Variants in TUT1 observed in about 807,000 individuals in gnomAD.
TUT1 encodes the protein speckle targeted PIP5K1A-regulated poly(A) polymerase.
TUT1 carries 26 observed loss-of-function variants against 48.8 expected under a neutral mutation model. The observed-to-expected ratio is 0.53, with a 90% CI of 0.39 to 0.74. The LOEUF is 0.74. Among genes scored for constraint, TUT1 ranks in the 30% least tolerant of loss-of-function variants. The pLI, the probability that TUT1 is intolerant of heterozygous loss-of-function variation, is 0.00. For synonymous variants in TUT1, 470 were observed against 460.8 expected (o/e 1.02, Z -0.26); for missense variants, 1,065 against 1,114.8 (o/e 0.96, Z 0.64).
At position 62,576,917 on chromosome 11, in the gene TUT1, G is replaced by T. The variant is rs368105075; in HGVS notation, c.1371C>A (p.Thr457=). 356 of 1,613,902 alleles carry T rather than the reference G, an allele frequency of 2.2e-4. No individual in the cohort carries two copies. Among genetic ancestry groups the T allele is most frequent in the Non-Finnish European group, 2.9e-4 (339 of 1,179,956 alleles). ...GGCTAGGCCGAGTACCTGCTTTCTG[G>T]GTGAGCTGGGACACAGTGGGCAACA... ...PPVLPTVSQL[T]QKAGEGEQVE... Residue 457 remains threonine, a synonymous_variant, in exon 7 of 9, where the codon ACC becomes ACA. Transcript: ENST00000476907.
At chr11:62,577,357 C>T (rs909921980) in intron 5 of TUT1, 66 bp from the exon 6 acceptor site, 1 of 1,285,930 alleles carries the variant, frequency 7.8e-7, no homozygotes, top group African/African-American at 1.5e-5. Context: ...CCCCAGCTTT[C>T]ATTCCAGACT....
intron 2 of TUT1, among the ~76,000 whole-genome samples, chr11:62,581,941 T>C (rs1312815346): frequency 6.6e-6 from 1 of 151,380 alleles, no homozygotes; most frequent in Non-Finnish European, 1.5e-5. Context: ...AGCCCAGGAG[T>C]TGGAGACCAA....
Position 62,589,087 on chromosome 11 carries a change from A to G in TUT1, c.217T>C (p.Ser73Pro), listed in dbSNP as rs930788502. Residue 73 changes from serine (S) to proline (P), a missense_variant, in exon 2 of 9, where the codon TCT (serine) becomes CCT (proline). Ser to Pro is a moderately conservative substitution (Grantham distance 74). Transcript: ENST00000476907. The part of the protein sequence containing the change: ...FPRDVDSAQL[S>P]EYFLAFGPVA... Reference sequence around the variant, plus strand: ...GGTCCAAATGCTAGGAAGTACTCAGAGAGCTGAGCAGAATCCACATCCCTG... The same window carrying G: ...GGTCCAAATGCTAGGAAGTACTCAGGGAGCTGAGCAGAATCCACATCCCTG... 3 of 1,614,208 alleles carry G rather than the reference A, an allele frequency of 1.9e-6. No individual in the cohort carries two copies. The highest frequency in any genetic ancestry group is 2.5e-6 in the Non-Finnish European group (3 of 1,180,026).
At chr11:62,579,132 C>A in intron 4 of TUT1, 102 bp from the exon 5 acceptor site, 3 of 768,588 alleles carry the variant, frequency 3.9e-6, no homozygotes, top group East Asian at 3.3e-5. Context: ...ATTCTAAGGT[C>A]TTTATACATA....
At position 62,581,205 on chromosome 11, in the gene TUT1, G is replaced by A; in HGVS notation, c.591C>T (p.Gly197=). 6.2e-7 allele frequency: 1 copy of A among 1,613,976 alleles called. No individual in the cohort carries two copies. Among genetic ancestry groups the A allele is most frequent in the Non-Finnish European group, 8.5e-7 (1 of 1,179,876 alleles). Residue 197 remains glycine, a splice_region_variant and synonymous_variant, in exon 4 of 9, where the codon GGC becomes GGT. Transcript: ENST00000476907. ...MQEVFTEFFP[G]CVVHPFGSSI... ...AAGAGCCAAAAGGGTGGACCACACAGCCTGGGTGCCGAGCAGAGAAGAAAG... is the reference window on the plus strand; with the variant it reads ...AAGAGCCAAAAGGGTGGACCACACAACCTGGGTGCCGAGCAGAGAAGAAAG...
chr11:62,578,881 G>A lies in TUT1; in HGVS notation c.840C>T (p.Thr280=). 1 of 1,608,604 alleles carries A rather than the reference G, an allele frequency of 6.2e-7. No individual in the cohort carries two copies. Among genetic ancestry groups the A allele is most frequent in the Non-Finnish European group, 8.5e-7 (1 of 1,177,018 alleles). Residue 280 remains threonine (T), a synonymous_variant, in exon 5 of 9, where the codon ACC becomes ACT. Transcript: ENST00000476907. ...PQDSEALDFE[T]PSSSLAPQTP... Reference sequence around the variant, plus strand: ...TTTGGGGCGCCAGGGAGGAGGAAGGGGTTTCAAAGTCCAGGGCTTCAGAAT... The same window carrying A: ...TTTGGGGCGCCAGGGAGGAGGAAGGAGTTTCAAAGTCCAGGGCTTCAGAAT...
In TUT1 at chr11:62,576,706, G is replaced by A; in HGVS notation, c.1425C>T (p.Phe475=). 1 of 1,614,182 alleles carries A rather than the reference G, an allele frequency of 6.2e-7. No individual in the cohort carries two copies. The highest frequency in any genetic ancestry group is 8.5e-7 in the Non-Finnish European group (1 of 1,180,036). The part of the protein sequence containing the change: ...QVEVDGWDCS[F]PRDASRLEPS... ...GCTCCAGTCTTGAGGCATCCCTGGG[G>A]AAACTGCAGTCCCAGCCATCGACTT... Residue 475 remains phenylalanine, a synonymous_variant, in exon 8 of 9, where the codon TTC becomes TTT. Transcript: ENST00000476907.
chr11:62,581,755 G>A (rs1344987625), intron 2 of TUT1, 54 bp from the exon 3 acceptor site: 17 of 1,312,102 alleles, frequency 1.3e-5, no homozygotes, highest in South Asian at 3.6e-5. Context: ...ATCTAAGCAC[G>A]AGATCTACAG....
intron 2 of TUT1, among the ~76,000 whole-genome samples, chr11:62,587,773 A>G (rs1941944599): frequency 6.6e-6 from 1 of 152,246 alleles, no homozygotes; most frequent in Non-Finnish European, 1.5e-5. Context: ...CACCTAAGCC[A>G]TGCCTACATA....
intron 4 of TUT1, among the ~76,000 whole-genome samples, chr11:62,580,647 G>C (rs1941810268): frequency 7.9e-6 from 1 of 125,850 alleles, no homozygotes; most frequent in Non-Finnish European, 1.6e-5. Context: ...CTGTCACCCA[G>C]GCTGGAGTGT....
intron 8 of TUT1, 91 bp downstream of exon 8, chr11:62,576,566 G>C: frequency 8.7e-7 from 1 of 1,153,236 alleles, no homozygotes; most frequent in Non-Finnish European, 1.3e-6. Flanking sequence ...CTTTCTGTGA[G>C]AACCATGCCT....
chr11:62,577,776 G>A (rs758009471), intron 5 of TUT1, among the ~76,000 whole-genome samples: 15 of 152,116 alleles, frequency 9.9e-5, no homozygotes, highest in Non-Finnish European at 1.8e-4. Flanking sequence ...CTTGAAAGTA[G>A]TATTCTAGGG....
Position 62,576,668 on chromosome 11 carries a change from A to G in TUT1, c.1463T>C (p.Val488Ala), listed in dbSNP as rs753903426. ...CTCCCCAAACTCACTGAGGGGCTCC[A>G]CATTTATGCTGGGCTCCAGTCTTGA... is the stretch of plus-strand genomic sequence containing the variant. ...DASRLEPSIN[V>A]EPLSSLLAQF... The change falls in exon 8 of 9, where the codon GTG becomes GCG. Residue 488 changes from valine to alanine, a missense_variant. Val to Ala is a moderately conservative substitution (Grantham distance 64). Coordinates refer to ENST00000476907, the MANE Select transcript of TUT1 (RefSeq NM_022830.3). 1.9e-5 allele frequency: 31 copies of G among 1,614,020 alleles called. No homozygotes were observed. Among genetic ancestry groups the G allele is most frequent in the Non-Finnish European group, 2.5e-5 (30 of 1,179,988 alleles).
chr11:62,585,971 G>GC (rs1941907776), intron 2 of TUT1, among the ~76,000 whole-genome samples: 1 of 152,046 alleles, frequency 6.6e-6, no homozygotes, highest in African/African-American at 2.4e-5. Context: ...GCGCGGTGGC[G>GC]CATGCCTGTA....
At position 62,591,399 on chromosome 11, in the gene TUT1, C is replaced by T; in HGVS notation, c.82+5G>A. 1 of 1,570,066 alleles carries T rather than the reference C, an allele frequency of 6.4e-7. No homozygotes were observed. The highest frequency in any genetic ancestry group is 8.6e-7 in the Non-Finnish European group (1 of 1,158,048). On this transcript the variant is annotated splice_donor_5th_base_variant and intron_variant, in intron 1 of 8. Coordinates refer to ENST00000476907, the MANE Select transcript of TUT1 (RefSeq NM_022830.3). The stretch of plus-strand genomic sequence containing the variant: ...CCCCCGGGTCCCTCACTAGCCACCG[C>T]TTACGGTTGGCTGTAGTAACGTGGC...
At chr11:62,579,944 G>A (rs1186250760) in intron 4 of TUT1, among the ~76,000 whole-genome samples, 14 of 149,592 alleles carry the variant, frequency 9.4e-5, no homozygotes, top group African/African-American at 3.4e-4. Flanking sequence ...GCATTACACA[G>A]GCGTGAACCA....
intron 4 of TUT1, among the ~76,000 whole-genome samples, chr11:62,580,180 C>T (rs947739357): frequency 7.9e-5 from 12 of 151,716 alleles, no homozygotes; most frequent in Non-Finnish European, 8.8e-5. Flanking sequence ...GTTAAGTGGC[C>T]GGGCATGGTA....
intron 5 of TUT1, among the ~76,000 whole-genome samples, 181 bp downstream of exon 5, chr11:62,578,380 T>C (rs1941764570): frequency 6.6e-6 from 1 of 151,914 alleles, no homozygotes; most frequent in Admixed American, 6.6e-5. Flanking sequence ...ACCCCGTCTC[T>C]ACTAAAAATA....
rs1489972041 is a variant in TUT1 at position 62,583,634 on chromosome 11, C to T, written c.274-1933G>A. Among the ~76,000 whole-genome samples the T allele has an allele frequency of 2.6e-5, 4 of 152,238 alleles. No individual in the cohort carries two copies. In the East Asian group the frequency reaches 7.7e-4, roughly 29 times the overall value. ...AAAGAAAAAAAAAGAAGAGGAAAAA[C>T]AGGACTGCTTTAGGCAAAAAAGTCC... On this transcript the variant is annotated intron_variant, in intron 2 of 8. Coordinates refer to ENST00000476907, the MANE Select transcript of TUT1 (RefSeq NM_022830.3).
Sources: allele counts gnomAD v4.1 joint callset (sites outside exome capture counted in the v4.1 genomes callset), GRCh38; gene constraint gnomAD v4.1.1; transcripts MANE v1.5; gene names NCBI Gene and HGNC (gene_info 2026-07-23, HGNC 2026-07-21).